Variants in BNIP3 observed in about 807,000 individuals in gnomAD.
The protein encoded by BNIP3 is BCL2/adenovirus E1B 19 kDa protein-interacting protein 3.
Under a neutral mutation model 23.9 loss-of-function variants are expected in BNIP3, and 16 were observed. The observed-to-expected ratio is 0.67, with a 90% confidence interval of 0.45 to 1.01. BNIP3 has a LOEUF of 1.01. BNIP3 is among the 50% of genes least tolerant of loss of function. BNIP3 has a pLI of 0.00. For synonymous variants in BNIP3, 81 were observed against 89.3 expected (o/e 0.91, Z 0.53); for missense variants, 198 against 248.7 (o/e 0.80, Z 1.37).
At chr10:131,978,369 TCTCA>T (rs1011832735) in intron 1 of BNIP3, among the ~76,000 whole-genome samples, 3 of 150,442 alleles carry the variant, frequency 2.0e-5, no homozygotes, top group Admixed American at 6.7e-5. Context: ...CATTTCTTAT[TCTCA>T]CTTTGTGTAA....
chr10:131,980,677 T>C (rs1005050259), intron 1 of BNIP3: 1 of 151,254 alleles, frequency 6.6e-6, no homozygotes, highest in Non-Finnish European at 1.5e-5. Flanking sequence ...CCTAGTAAAA[T>C]CTTTTTTTTT....
At chr10:131,980,103 A>G (rs1008925595) in intron 1 of BNIP3, 5 of 152,264 alleles carry the variant, frequency 3.3e-5, no homozygotes, top group African/African-American at 1.2e-4. Flanking sequence ...TAGAATAAAC[A>G]AAACAGAAAA....
intron 1 of BNIP3, among the ~76,000 whole-genome samples, chr10:131,977,621 A>G (rs1170984955): frequency 6.6e-6 from 1 of 152,168 alleles, no homozygotes; most frequent in Non-Finnish European, 1.5e-5. Context: ...CCAGCCCCTT[A>G]GAGCACTAAT....
intron 3 of BNIP3, 150 bp downstream of exon 3, chr10:131,972,883 GT>G: frequency 4.1e-6 from 3 of 724,290 alleles, no homozygotes; most frequent in Non-Finnish European, 4.4e-6. Flanking sequence ...CAGTTTCTTG[GT>G]TTTTTTGTTT....
chr10:131,970,412 CTCG>C lies in BNIP3; in HGVS notation c.539+223_539+225del. ...TTATATTCAGTGAGCAACAGGCAGA[CTCG>C]TCAGGCCAGACAGCAGCACCACAGG... On this transcript the variant is annotated intron_variant, in intron 5 of 5. Coordinates refer to ENST00000368636, the MANE Select transcript of BNIP3 (RefSeq NM_004052.4). The surrounding 1 kb of genome is among the most constrained non-coding windows in gnomAD (Gnocchi z 4.1). 1.6e-6 allele frequency: 1 copy of C among 608,648 alleles called. No homozygotes were observed. The highest frequency in any genetic ancestry group is 2.8e-6 in the Non-Finnish European group (1 of 353,304). The allele number at this position is 608,648 out of a possible 1,614,324, so 37.7% of individuals were successfully genotyped here. A position where few individuals can be genotyped will look rare whatever the true frequency, so the allele number is the denominator to read the frequency against.
chr10:131,971,130 G>C, intron 3 of BNIP3, 160 bp from the exon 4 acceptor site: 1 of 683,378 alleles, frequency 1.5e-6, no homozygotes, highest in Non-Finnish European at 2.5e-6. Flanking sequence ...CTGGGGCTGG[G>C]GGCCTTCCCC....
rs758922821 is a variant in BNIP3, at chr10:131,970,981, G to A, written c.283-11C>T. The A allele has an allele frequency of 9.3e-6, 15 of 1,611,050 alleles. No individual in the cohort carries two copies. In the African/African-American group the frequency reaches 1.3e-4, roughly 14 times the overall value. On this transcript the variant is annotated splice_polypyrimidine_tract_variant and intron_variant, in intron 3 of 5. Transcript: ENST00000368636. This position sits in a 1 kb window ranked among gnomAD's most constrained non-coding sequence, Gnocchi z 4.1. ...ATCATCTTCCTCAGACTAAGATAAA[G>A]TCAATGTTAAAGGCAGATCAGTGTA...
At chr10:131,968,590 T>G (rs1217050995) in intron 5 of BNIP3, 21 bp from the exon 6 acceptor site, 9 of 1,571,716 alleles carry the variant, frequency 5.7e-6, no homozygotes, top group Non-Finnish European at 7.9e-6. Context: ...AAATTATCAG[T>G]AGTTAATGTA....
chr10:131,975,234 C>T (rs2037070792), intron 1 of BNIP3, among the ~76,000 whole-genome samples: 1 of 152,246 alleles, frequency 6.6e-6, no homozygotes, highest in Non-Finnish European at 1.5e-5. Flanking sequence ...TCTGCGCTGG[C>T]TGCTTCCTGT....
At chr10:131,973,568 A>G (rs1449142810) in intron 2 of BNIP3, 5 of 585,534 alleles carry the variant, frequency 8.5e-6, no homozygotes, top group Non-Finnish European at 1.2e-5. Context: ...CTGCCTACTG[A>G]TGACTTGAAC....
intron 1 of BNIP3, 145 bp downstream of exon 1, chr10:131,981,616 G>C: frequency 9.5e-7 from 1 of 1,047,976 alleles, no homozygotes; most frequent in Non-Finnish European, 1.3e-6. Context: ...GGAGGGGTGG[G>C]TACGGAAGGG....
Position 131,970,577 on chromosome 10 carries a change from C to T in BNIP3, c.539+61G>A, listed in dbSNP as rs1342313907. On this transcript the variant is annotated intron_variant, in intron 5 of 5. Transcript: ENST00000368636. The surrounding 1 kb of genome is among the most constrained non-coding windows in gnomAD (Gnocchi z 4.1). ...CAGGAAACAGGTTACGAATAAATCA[C>T]TGCAACCCAGAATCGCCCCACGACA... 3.2e-6 allele frequency: 5 copies of T among 1,576,148 alleles called. No individual in the cohort carries two copies. The Admixed American group carries it at 8.8e-5, about 28-fold the overall frequency.
chr10:131,973,419 C>T (rs973631084), intron 2 of BNIP3: 9 of 465,816 alleles, frequency 1.9e-5, no homozygotes, highest in African/African-American at 1.2e-4. Flanking sequence ...CTCAAGGGCA[C>T]GCGACCTTTG....
At chr10:131,971,020 G>T in intron 3 of BNIP3, 50 bp from the exon 4 acceptor site, 1 of 1,547,036 alleles carries the variant, frequency 6.5e-7, no homozygotes, top group Non-Finnish European at 8.9e-7. Flanking sequence ...CACGTGACAC[G>T]GGAAAGCACC....
At chr10:131,975,128 T>TA (rs1306516606) in intron 1 of BNIP3, among the ~76,000 whole-genome samples, 3 of 152,242 alleles carry the variant, frequency 2.0e-5, no homozygotes, top group Non-Finnish European at 4.4e-5. Context: ...GCTCTACTGT[T>TA]ATGACAGTCA....
intron 5 of BNIP3, 25 bp from the exon 6 acceptor site, chr10:131,968,594 T>TA (rs1282065411): frequency 1.3e-6 from 2 of 1,567,506 alleles, no homozygotes; most frequent in South Asian, 2.2e-5. Context: ...TATCAGTAGT[T>TA]AATGTATCTT....
chr10:131,972,505 G>C (rs1480418669), intron 3 of BNIP3, among the ~76,000 whole-genome samples: 1 of 152,242 alleles, frequency 6.6e-6, no homozygotes, highest in Admixed American at 6.5e-5. Flanking sequence ...GGCACAGGGT[G>C]TAATTTCCGG....
At chr10:131,979,529 G>A (rs2037102843) in intron 1 of BNIP3, among the ~76,000 whole-genome samples, 1 of 152,108 alleles carries the variant, frequency 6.6e-6, no homozygotes, top group Non-Finnish European at 1.5e-5. Context: ...CCCCGCCACC[G>A]TGACACGGTC....
chr10:131,973,040 G>A lies in BNIP3; in HGVS notation c.276C>T (p.Ser92=). Residue 92 remains serine, a synonymous_variant, in exon 3 of 6, where the codon AGC becomes AGT. Transcript: ENST00000368636. ...CATTCTCCTTCCAGCTTACCTGTGA[G>A]CTGTTTTTCTCTCCAATGCTATGGG... ...TDTHSIGEKN[S]SQSEEDDIER... is the part of the protein sequence containing the mutation. The A allele has an allele frequency of 1.9e-6, 3 of 1,613,032 alleles. No homozygotes were observed. In the African/African-American group the frequency reaches 4.0e-5, roughly 22 times the overall value.
Sources: allele counts gnomAD v4.1 joint callset (sites outside exome capture counted in the v4.1 genomes callset), GRCh38; gene constraint gnomAD v4.1.1; non-coding constraint Gnocchi (gnomAD v3.1); transcripts MANE v1.5; gene names NCBI Gene and HGNC (gene_info 2026-07-23, HGNC 2026-07-21).